Variants in AHDC1 observed in about 807,000 individuals in gnomAD.
AHDC1 encodes the protein AT-hook DNA binding motif containing 1.
A neutral mutation model predicts 87.9 loss-of-function variants in AHDC1; 7 were observed. The observed-to-expected ratio is 0.08, with a 90% confidence interval of 0.05 to 0.15. AHDC1 has a LOEUF of 0.15. AHDC1 is among the 10% of genes least tolerant of loss of function. The probability of loss-of-function intolerance (pLI) is 1.00; values close to 1 mark genes in which losing one functional copy is unlikely to be tolerated. For missense variants in AHDC1, 1,841 were observed against 2,253.2 expected (o/e 0.82, Z 3.70); for synonymous variants, 1,051 against 1,006.8 (o/e 1.04, Z -0.83).
intron 3 of AHDC1, among the ~76,000 whole-genome samples, chr1:27,597,913 T>G (rs1225998665): frequency 1.3e-5 from 2 of 152,136 alleles, no homozygotes; most frequent in African/African-American, 2.4e-5. Flanking sequence ...TTTTTCTGCC[T>G]CCTCCTCTCT....
Position 27,563,804 on chromosome 1 carries a change from G to A in AHDC1, c.-628-4921C>T, listed in dbSNP as rs545608151. Among the ~76,000 whole-genome samples the A allele has an allele frequency of 1.3e-5, 2 of 152,180 alleles. No homozygotes were observed. Among genetic ancestry groups the A allele is most frequent in the South Asian group, 4.2e-4 (2 of 4,818 alleles). On this transcript the variant is annotated intron_variant, in intron 3 of 8. Coordinates refer to ENST00000673934, the MANE Select transcript of AHDC1 (RefSeq NM_001371928.1). This position sits in a 1 kb window ranked among gnomAD's most constrained non-coding sequence, Gnocchi z 6.1. The stretch of plus-strand genomic sequence containing the variant: ...GGTGCTGGGGGAGAGGAGTGCTGGG[G>A]AGGAAGCTGCCTGGACACACTGACT...
chr1:27,551,218 G>A lies in AHDC1; in HGVS notation c.898C>T (p.Leu300=). The A allele has an allele frequency of 1.2e-6, 2 of 1,609,888 alleles. No homozygotes were observed. The highest frequency in any genetic ancestry group is 1.7e-6 in the Non-Finnish European group (2 of 1,179,638). ...PLGEALELPP[L]QPLADPLGLP... is the part of the protein sequence containing the mutation. ...CCCAGAGGATCAGCAAGAGGTTGCA[G>A]GGGTGGCAGCTCCAGAGCTTCCCCG... The change falls in exon 8 of 9, where the codon CTG becomes TTG. Residue 300 remains leucine, a synonymous_variant. Transcript: ENST00000673934.
At chr1:27,554,255 AAACTCT>A (rs1348444122) in intron 5 of AHDC1, among the ~76,000 whole-genome samples, 1 of 152,152 alleles carries the variant, frequency 6.6e-6, no homozygotes, top group Non-Finnish European at 1.5e-5. Context: ...TTCATCGGAA[AAACTCT>A]GCTGCTCCAT....
chr1:27,574,956 G>A (rs2088668824), intron 3 of AHDC1, among the ~76,000 whole-genome samples: 1 of 152,242 alleles, frequency 6.6e-6, no homozygotes, highest in South Asian at 2.1e-4. Flanking sequence ...CTCAAAGAAA[G>A]CTACTGTCGC....
At chr1:27,580,592 C>T (rs1557696794) in intron 3 of AHDC1, among the ~76,000 whole-genome samples, 2 of 152,196 alleles carry the variant, frequency 1.3e-5, no homozygotes, top group Non-Finnish European at 2.9e-5. Flanking sequence ...AACTTCCAAC[C>T]CTGACTGGGC....
chr1:27,536,491 T>C (rs983944705), intron 8 of AHDC1, among the ~76,000 whole-genome samples: 2 of 151,986 alleles, frequency 1.3e-5, no homozygotes, highest in Admixed American at 6.6e-5. Flanking sequence ...AATGGGGTGA[T>C]AGGTAGAAAA....
At chr1:27,596,994 T>C (rs2089393729) in intron 3 of AHDC1, among the ~76,000 whole-genome samples, 1 of 152,204 alleles carries the variant, frequency 6.6e-6, no homozygotes, top group Non-Finnish European at 1.5e-5. Flanking sequence ...TTTATACACA[T>C]ATGCCTCACC....
intron 8 of AHDC1, among the ~76,000 whole-genome samples, chr1:27,538,418 A>C (rs1310933449): frequency 2.7e-5 from 4 of 147,898 alleles, no homozygotes; most frequent in African/African-American, 9.9e-5. Flanking sequence ...AAAAAAAAAA[A>C]CCAGAAAAGA....
At chr1:27,580,453 CCA>C (rs1272823902) in intron 3 of AHDC1, among the ~76,000 whole-genome samples, 9 of 152,350 alleles carry the variant, frequency 5.9e-5, no homozygotes, top group Middle Eastern at 6.8e-3. Context: ...TCTGCTATCT[CCA>C]CGGCTTTCTT....
intron 3 of AHDC1, among the ~76,000 whole-genome samples, chr1:27,566,900 T>G (rs2020346493): frequency 6.6e-6 from 1 of 151,554 alleles, no homozygotes; most frequent in South Asian, 2.1e-4. Context: ...CTGCTGGCAC[T>G]TGGAGCTCTG....
Position 27,547,279 on chromosome 1 carries a change from G to T in AHDC1, c.*25C>A. The T allele has an allele frequency of 6.6e-7, 1 of 1,514,060 alleles. No homozygotes were observed. The highest frequency in any genetic ancestry group is 8.8e-7 in the Non-Finnish European group (1 of 1,131,868). The allele number at this position is 1,514,060 out of a possible 1,614,324, so 93.8% of individuals were successfully genotyped here. A position where few individuals can be genotyped will look rare whatever the true frequency, so the allele number is the denominator to read the frequency against. ...GACTCACCCAGGAACAAAACCTCGCGGTCCAGTCGGCACTTCAGTTGGCAC... is the reference window on the plus strand; with the variant it reads ...GACTCACCCAGGAACAAAACCTCGCTGTCCAGTCGGCACTTCAGTTGGCAC... On this transcript the variant is annotated 3_prime_UTR_variant, in exon 8 of 9. Transcript: ENST00000673934. This position sits in a 1 kb window ranked among gnomAD's most constrained non-coding sequence, Gnocchi z 4.9.
intron 3 of AHDC1, among the ~76,000 whole-genome samples, chr1:27,576,804 A>C (rs2088765793): frequency 6.6e-6 from 1 of 152,054 alleles, no homozygotes; most frequent in South Asian, 2.1e-4. Context: ...ACATGGGGGG[A>C]TCACACCAGT....
At position 27,591,356 on chromosome 1, in the gene AHDC1, G is replaced by A. The variant is rs180824021; in HGVS notation, c.-629+12041C>T. ...GAGGCCAGGAGACCTGGGATCCCAC[G>A]GGGCCCTGCAGCTCACAGGGTGTGT... On this transcript the variant is annotated intron_variant, in intron 3 of 8. Transcript: ENST00000673934. 1.3e-4 allele frequency among the ~76,000 whole-genome samples: 20 copies of A among 152,328 alleles called. No individual in the cohort carries two copies. In the East Asian group the frequency reaches 1.3e-3, roughly 10 times the overall value.
At chr1:27,592,184 T>C (rs1045370954) in intron 3 of AHDC1, among the ~76,000 whole-genome samples, 2 of 152,216 alleles carry the variant, frequency 1.3e-5, no homozygotes, top group South Asian at 2.1e-4. Context: ...CCAGAGTCTA[T>C]GTGTGTGCAC....
At position 27,549,134 on chromosome 1, in the gene AHDC1, G is replaced by A. The variant is rs769042134; in HGVS notation, c.2982C>T (p.Asn994=). ...TKPFTGQDCA[N]SKDCSFAYGS... ...CATAGGCGAAGCTGCAGTCCTTGCTGTTAGCGCAGTCCTGGCCTGTAAAGG... is the reference window on the plus strand; with the variant it reads ...CATAGGCGAAGCTGCAGTCCTTGCTATTAGCGCAGTCCTGGCCTGTAAAGG... Residue 994 remains asparagine, a synonymous_variant, in exon 8 of 9, where the codon AAC becomes AAT. Coordinates refer to ENST00000673934, the MANE Select transcript of AHDC1 (RefSeq NM_001371928.1). 3.2e-6 allele frequency: 5 copies of A among 1,553,732 alleles called. No homozygotes were observed. The highest frequency in any genetic ancestry group is 1.2e-5 in the South Asian group (1 of 83,034).
At chr1:27,577,946 G>C (rs1244770132) in intron 3 of AHDC1, among the ~76,000 whole-genome samples, 1 of 152,178 alleles carries the variant, frequency 6.6e-6, no homozygotes, top group Non-Finnish European at 1.5e-5. Context: ...TGACTCCCCA[G>C]CCCACAGCCC....
intron 3 of AHDC1, among the ~76,000 whole-genome samples, chr1:27,584,464 C>T (rs2088991489): frequency 6.6e-6 from 1 of 152,230 alleles, no homozygotes; most frequent in South Asian, 2.1e-4. Flanking sequence ...TAACTAAGGA[C>T]ACACAGGATT....
chr1:27,602,299 C>T (rs2089551410), intron 3 of AHDC1, among the ~76,000 whole-genome samples: 1 of 152,010 alleles, frequency 6.6e-6, no homozygotes, highest in African/African-American at 2.4e-5. Flanking sequence ...GTGCCCGCTG[C>T]CCGCCTCAGG....
At chr1:27,570,168 C>G (rs1478283373) in intron 3 of AHDC1, among the ~76,000 whole-genome samples, 14 of 152,078 alleles carry the variant, frequency 9.2e-5, no homozygotes, top group Non-Finnish European at 1.5e-5. Flanking sequence ...TCCCAGAGAG[C>G]TTTACAGAAT....
Sources: allele counts gnomAD v4.1 joint callset (sites outside exome capture counted in the v4.1 genomes callset), GRCh38; gene constraint gnomAD v4.1.1; non-coding constraint Gnocchi (gnomAD v3.1); transcripts MANE v1.5; gene names NCBI Gene and HGNC (gene_info 2026-07-23, HGNC 2026-07-21).